The following TP63 variants were observed in gnomAD, a reference collection of about 807,000 sequenced individuals.
The protein encoded by TP63 is tumor protein p63, also known as tumor protein 63.
Under a neutral mutation model 82.8 loss-of-function variants are expected in TP63, and 17 were observed. That is an observed-to-expected ratio of 0.21 (90% CI 0.14 to 0.31). TP63 has a LOEUF of 0.31. Ranked by LOEUF, TP63 falls within the 10% of genes least tolerant of loss-of-function variation. The pLI is 1.00. For missense variants in TP63, 648 were observed against 895.3 expected (o/e 0.72, Z 3.52); for synonymous variants, 330 against 321.7 (o/e 1.03, Z -0.28).
At chr3:189,815,376 A>G (rs182476316) in intron 4 of TP63, among the ~76,000 whole-genome samples, 12 of 152,318 alleles carry the variant, frequency 7.9e-5, no homozygotes, top group Admixed American at 3.9e-4. Flanking sequence ...GGGAGGTAGC[A>G]TAAATGAGCC....
intron 13 of TP63, among the ~76,000 whole-genome samples, chr3:189,893,984 G>A (rs977968377): frequency 6.6e-6 from 1 of 152,100 alleles, no homozygotes; most frequent in Non-Finnish European, 1.5e-5. Context: ...TAGAGACTAA[G>A]TGAAGTGTTC....
intron 3 of TP63, among the ~76,000 whole-genome samples, chr3:189,796,557 C>G (rs948954814): frequency 3.3e-5 from 5 of 151,830 alleles, no homozygotes; most frequent in African/African-American, 4.8e-5. Flanking sequence ...TTTTTACCAA[C>G]CTAATCCTCC....
chr3:189,695,935 G>A (rs977654450), intron 1 of TP63, among the ~76,000 whole-genome samples: 1 of 152,094 alleles, frequency 6.6e-6, no homozygotes, highest in Admixed American at 6.6e-5. Flanking sequence ...ACTTAAGTTA[G>A]TGTCTCCTCC....
At chr3:189,885,500 A>T (rs1161615600) in intron 10 of TP63, among the ~76,000 whole-genome samples, 2 of 152,220 alleles carry the variant, frequency 1.3e-5, no homozygotes, top group Admixed American at 1.3e-4. Context: ...ATAGCATCCT[A>T]ACAGATGACG....
the TP63 span, among the ~76,000 whole-genome samples, chr3:189,600,701 CT>C: frequency 1.3e-5 from 2 of 152,160 alleles, no homozygotes; most frequent in African/African-American, 2.4e-5. Context: ...ACTAAAACTC[CT>C]TACTACCAGG....
intron 1 of TP63, among the ~76,000 whole-genome samples, chr3:189,649,292 G>A (rs936521653): frequency 6.1e-5 from 9 of 146,880 alleles, no homozygotes; most frequent in South Asian, 2.2e-4. Context: ...ACTATGCAGC[G>A]TGAAAAAGAA....
chr3:189,692,064 C>T (rs1190292153), intron 1 of TP63, among the ~76,000 whole-genome samples: 1 of 152,062 alleles, frequency 6.6e-6, no homozygotes, highest in Non-Finnish European at 1.5e-5. Context: ...ATAATCTTAC[C>T]TTAATAACAT....
chr3:189,651,076 C>CT (rs1456946166), intron 1 of TP63, among the ~76,000 whole-genome samples: 1 of 147,368 alleles, frequency 6.8e-6, no homozygotes, highest in Non-Finnish European at 1.5e-5. Context: ...TCTTGCTTTG[C>CT]TTTAGCAAAG....
the TP63 span, among the ~76,000 whole-genome samples, chr3:189,622,923 GC>G: frequency 6.6e-6 from 1 of 152,124 alleles, no homozygotes; most frequent in African/African-American, 2.4e-5. Context: ...ACGATACAAA[GC>G]CTTGTTATTT....
chr3:189,864,319 G>A lies in TP63; in HGVS notation c.667G>A (p.Ala223Thr), dbSNP rs1717418819. ...GGTGATGACCCCACCTCCTCAGGGA[G>A]CTGTTATCCGCGCCATGCCTGTCTA... ...IKVMTPPPQGAVIRAMPVYKK... is the reference protein window; with the variant it reads ...IKVMTPPPQGTVIRAMPVYKK... The change falls in exon 5 of 14, where the codon GCT becomes ACT. Residue 223 changes from alanine to threonine, a missense_variant. Physicochemically the swap from Ala to Thr is moderately conservative, Grantham distance 58. Transcript: ENST00000264731. 6.2e-7 allele frequency: 1 copy of A among 1,614,200 alleles called. No homozygotes were observed. The highest frequency in any genetic ancestry group is 8.5e-7 in the Non-Finnish European group (1 of 1,180,040).
At chr3:189,636,246 CAG>C (rs1478782172) in intron 1 of TP63, among the ~76,000 whole-genome samples, 4 of 152,090 alleles carry the variant, frequency 2.6e-5, no homozygotes, top group Non-Finnish European at 5.9e-5. Context: ...ATTTAAATAG[CAG>C]AGAGTCATCT....
At chr3:189,856,958 C>T (rs1307474213) in intron 4 of TP63, among the ~76,000 whole-genome samples, 1 of 151,980 alleles carries the variant, frequency 6.6e-6, no homozygotes. Flanking sequence ...CCCTAAAAGA[C>T]CTTACATATT....
At chr3:189,835,869 G>A (rs1200418596) in intron 4 of TP63, among the ~76,000 whole-genome samples, 2 of 151,062 alleles carry the variant, frequency 1.3e-5, no homozygotes, top group African/African-American at 2.4e-5. Context: ...AGCCAAGATC[G>A]TGCCATTGCA....
At chr3:189,722,200 A>C (rs1227164058) in intron 1 of TP63, among the ~76,000 whole-genome samples, 1 of 152,224 alleles carries the variant, frequency 6.6e-6, no homozygotes, top group Non-Finnish European at 1.5e-5. Flanking sequence ...AGGGCTTGGA[A>C]AGAATTCCGT....
At chr3:189,821,673 G>A (rs1043845816) in intron 4 of TP63, among the ~76,000 whole-genome samples, 2 of 152,200 alleles carry the variant, frequency 1.3e-5, no homozygotes, top group African/African-American at 4.8e-5. Context: ...ATTTGGGCAT[G>A]TGGTTGTAGG....
chr3:189,630,948 A>G (rs1485691246), upstream of TP63, among the ~76,000 whole-genome samples: 1 of 152,072 alleles, frequency 6.6e-6, no homozygotes. Context: ...AACAAAACAA[A>G]ACAAAACTTC....
intron 1 of TP63, among the ~76,000 whole-genome samples, chr3:189,659,593 G>A (rs1713695562): frequency 6.6e-6 from 1 of 151,926 alleles, no homozygotes; most frequent in African/African-American, 2.4e-5. Context: ...GGAATTGCTG[G>A]GTCGAATGGT....
At chr3:189,749,553 T>C (rs1256893996) in intron 3 of TP63, among the ~76,000 whole-genome samples, 2 of 152,136 alleles carry the variant, frequency 1.3e-5, no homozygotes, top group Non-Finnish European at 2.9e-5. Context: ...TTATTGAGGA[T>C]GCAGAGAAAA....
intron 4 of TP63, among the ~76,000 whole-genome samples, chr3:189,838,469 AC>A (rs1281305370): frequency 6.6e-6 from 1 of 152,234 alleles, no homozygotes; most frequent in African/African-American, 2.4e-5. Context: ...AAGATGAAGC[AC>A]GTTTCCGTCT....
Sources: gnomAD v4.1 joint callset for allele counts (sites outside exome capture counted in the v4.1 genomes callset) on GRCh38, gnomAD v4.1.1 for gene constraint, MANE v1.5 for transcripts, NCBI Gene and HGNC (gene_info 2026-07-23, HGNC 2026-07-21) for gene names.